The following HSPG2 variants were observed in gnomAD, a reference collection of about 807,000 sequenced individuals.
HSPG2 encodes basement membrane-specific heparan sulfate proteoglycan core protein.
HSPG2 carries 278 observed loss-of-function variants against 526.6 expected under a neutral mutation model. The ratio of observed to expected loss-of-function variants is 0.53; its 90% CI spans 0.48 to 0.58. HSPG2 has a LOEUF of 0.58. Among genes scored for constraint, HSPG2 ranks in the 20% least tolerant of loss-of-function variants. The pLI is 0.00. For missense variants in HSPG2, 5,354 were observed against 6,099.5 expected, an observed-to-expected ratio of 0.88 and a Z score of 4.07; for synonymous variants, 2,465 against 2,555.4, an observed-to-expected ratio of 0.96 and a Z score of 1.07.
intron 1 of HSPG2, among the ~76,000 whole-genome samples, chr1:21,915,027 C>T (rs955306282): frequency 2.0e-5 from 3 of 152,058 alleles, no homozygotes; most frequent in Non-Finnish European, 4.4e-5. Context: ...AGCCCAGGAC[C>T]GGCTCCTTAT....
chr1:21,827,336 C>G (rs1318528209), intron 91 of HSPG2, among the ~76,000 whole-genome samples: 1 of 152,206 alleles, frequency 6.6e-6, no homozygotes, highest in Non-Finnish European at 1.5e-5. Flanking sequence ...AGTTCCACAG[C>G]TAGTAAGTGG....
Position 21,875,904 on chromosome 1 carries a change from T to A in HSPG2, c.3142A>T (p.Ser1048Cys). The change falls in exon 24 of 97, where the codon AGC becomes TGC. Residue 1048 changes from serine to cysteine, a missense_variant. Transcript: ENST00000374695. ...ATGAAGGTGCTGGGCTGGCCGGGGC[T>A]GGGCTCCTGGGCCACATGGTGCTCT... ...ILEHHVAQEP[S>C]PGQPSTFIVP... The A allele has an allele frequency of 6.2e-7, 1 of 1,614,180 alleles. No homozygotes were observed. Among genetic ancestry groups the A allele is most frequent in the Non-Finnish European group, 8.5e-7 (1 of 1,180,038 alleles).
In HSPG2 at chr1:21,858,658, C is replaced by T. The variant is rs1369251768; in HGVS notation, c.5293+908G>A. Among the ~76,000 whole-genome samples, 1 of 152,252 alleles carries T rather than the reference C, an allele frequency of 6.6e-6. No homozygotes were observed. The highest frequency in any genetic ancestry group is 1.5e-5 in the Non-Finnish European group (1 of 68,054). ...TGTTTGTAGCCTGTGCTGCTGGTGG[C>T]CTAGCCACGCTTCCCACCCCCCGTG... On this transcript the variant is annotated intron_variant, in intron 42 of 96. Transcript: ENST00000374695. This position sits in a 1 kb window ranked among gnomAD's most constrained non-coding sequence, Gnocchi z 4.2.
At chr1:21,886,713 G>A (rs945889488) in intron 9 of HSPG2, among the ~76,000 whole-genome samples, 2 of 152,138 alleles carry the variant, frequency 1.3e-5, no homozygotes, top group African/African-American at 4.8e-5. Flanking sequence ...ACAGATGGAT[G>A]GGTGGATAGA....
At position 21,842,054 on chromosome 1, in the gene HSPG2, G is replaced by A. The variant is rs751033332; in HGVS notation, c.9141C>T (p.Asp3047=). The change falls in exon 69 of 97, where the codon GAC becomes GAT. Residue 3047 remains aspartate (D), a synonymous_variant. Coordinates refer to ENST00000374695, the MANE Select transcript of HSPG2 (RefSeq NM_005529.7). ...ACTCGAGGCTGATGGGGGCTGCCCC[G>A]TCATGGATGAGGCACTTGAAGCTGG... ...QDASFKCLIH[D]GAAPISLEWK... 29 of 1,613,606 alleles carry A rather than the reference G, an allele frequency of 1.8e-5. No individual in the cohort carries two copies. Among genetic ancestry groups the A allele is most frequent in the Middle Eastern group, 3.3e-4 (2 of 6,048 alleles).
In HSPG2 at chr1:21,875,917, C is replaced by T. The variant is rs767148257; in HGVS notation, c.3129G>A (p.Val1043=). The T allele has an allele frequency of 5.0e-5, 81 of 1,614,056 alleles. 1 individual carries two copies. Among genetic ancestry groups the T allele is most frequent in the Non-Finnish European group, 5.1e-6 (6 of 1,180,048 alleles). Residue 1043 remains valine (V), a synonymous_variant, in exon 24 of 97, where the codon GTG becomes GTA. Transcript: ENST00000374695. The part of the protein sequence containing the change: ...QGNNIILEHH[V]AQEPSPGQPS... ...GCTGGCCGGGGCTGGGCTCCTGGGC[C>T]ACATGGTGCTCTAGGATGATGTTGT...
At position 21,884,671 on chromosome 1, in the gene HSPG2, G is replaced by T; in HGVS notation, c.1511C>A (p.Pro504His). The T allele has an allele frequency of 6.2e-7, 1 of 1,611,240 alleles. No individual in the cohort carries two copies. Among genetic ancestry groups the T allele is most frequent in the South Asian group, 1.1e-5 (1 of 90,992 alleles). Residue 504 changes from proline to histidine, a missense_variant, in exon 13 of 97, where the codon CCC (proline) becomes CAC (histidine). Coordinates refer to ENST00000374695, the MANE Select transcript of HSPG2 (RefSeq NM_005529.7). ...GVLELVPQRG[P>H]CPDGHFYLEH... The stretch of plus-strand genomic sequence containing the variant: ...CAGGTAGAAGTGGCCGTCAGGGCAG[G>T]GGCCTGCTGGGCGGCATGGGCGGGG...
rs566031274 is a variant in HSPG2, at chr1:21,823,529, G to A, written c.13004-41C>T. 11 of 1,609,270 alleles carry A rather than the reference G, an allele frequency of 6.8e-6. No individual in the cohort carries two copies. The African/African-American group carries it at 9.3e-5, about 14-fold the overall frequency. ...AGGACAGGGCCTGTGGGCTCCAGCA[G>A]CCCAGGAGGCGAGGAAGGCTGGGCG... On this transcript the variant is annotated intron_variant, in intron 96 of 96. Coordinates refer to ENST00000374695, the MANE Select transcript of HSPG2 (RefSeq NM_005529.7).
At chr1:21,930,696 C>T (rs762403614) in intron 1 of HSPG2, among the ~76,000 whole-genome samples, 77 of 152,006 alleles carry the variant, frequency 5.1e-4, no homozygotes, top group Admixed American at 1.7e-3. Flanking sequence ...ATCTCTTGAA[C>T]CTGGGGGGCA....
At chr1:21,920,812 G>A (rs910645160) in intron 1 of HSPG2, among the ~76,000 whole-genome samples, 1 of 152,182 alleles carries the variant, frequency 6.6e-6, no homozygotes, top group Non-Finnish European at 1.5e-5. Flanking sequence ...AGCCCAGGGA[G>A]GAATCCAGGC....
chr1:21,884,660 C>T lies in HSPG2; in HGVS notation c.1522G>A (p.Gly508Ser), dbSNP rs768887883. The change falls in exon 13 of 97, where the codon GGC becomes AGC. Residue 508 changes from glycine to serine, a missense_variant. Physicochemically the swap from Gly to Ser is moderately conservative, Grantham distance 56. Coordinates refer to ENST00000374695, the MANE Select transcript of HSPG2 (RefSeq NM_005529.7). The part of the protein sequence containing the change: ...LVPQRGPCPD[G>S]HFYLEHSAAC... ...GCGCTGTGCTCCAGGTAGAAGTGGC[C>T]GTCAGGGCAGGGGCCTGCTGGGCGG... 34 of 1,611,950 alleles carry T rather than the reference C, an allele frequency of 2.1e-5. No individual in the cohort carries two copies. In the East Asian group the frequency reaches 4.7e-4, roughly 22 times the overall value.
At position 21,836,998 on chromosome 1, in the gene HSPG2, C is replaced by T. The variant is rs773495881; in HGVS notation, c.10159G>A (p.Gly3387Ser). ...FAQLLVQGPP[G>S]SLPATSIPAG... ...GGGATGGAGGTGGCAGGGAGAGAGCCGGGAGGGCCTGCGGGGACATGTATG... is the reference window on the plus strand; with the variant it reads ...GGGATGGAGGTGGCAGGGAGAGAGCTGGGAGGGCCTGCGGGGACATGTATG... Residue 3387 changes from glycine to serine, a missense_variant, in exon 75 of 97, where the codon GGC becomes AGC. Transcript: ENST00000374695. 2.6e-6 allele frequency: 4 copies of T among 1,550,590 alleles called. No homozygotes were observed. The highest frequency in any genetic ancestry group is 2.4e-5 in the East Asian group (1 of 41,078).
At chr1:21,855,167 G>A in intron 47 of HSPG2, 137 bp downstream of exon 47, 1 of 1,369,464 alleles carries the variant, frequency 7.3e-7, no homozygotes. Flanking sequence ...GGATGCAGGG[G>A]CAGGAGACCA....
Position 21,848,789 on chromosome 1 carries a change from C to T in HSPG2, c.7591G>A (p.Gly2531Ser). The change falls in exon 59 of 97, where the codon GGT (glycine) becomes AGT (serine). Residue 2531 changes from glycine to serine, a missense_variant. Physicochemically the swap from Gly to Ser is moderately conservative, Grantham distance 56 (BLOSUM62 0). Coordinates refer to ENST00000374695, the MANE Select transcript of HSPG2 (RefSeq NM_005529.7). The surrounding 1 kb of genome is among the most constrained non-coding windows in gnomAD (Gnocchi z 4.9). The part of the protein sequence containing the change: ...QQRLSGSHSQ[G>S]VAYPVRIESS... Reference sequence around the variant, plus strand: ...TCGATGCGGACGGGGTACGCCACACCCTGGGCTGGGAGGGTGAGATGTAAG... The same window carrying T: ...TCGATGCGGACGGGGTACGCCACACTCTGGGCTGGGAGGGTGAGATGTAAG... 1 of 1,613,574 alleles carries T rather than the reference C, an allele frequency of 6.2e-7. No individual in the cohort carries two copies.
rs1210107205 is a variant in HSPG2 at position 21,872,712 on chromosome 1, G to A, written c.3937C>T (p.His1313Tyr). 2 of 1,609,618 alleles carry A rather than the reference G, an allele frequency of 1.2e-6. No homozygotes were observed. The highest frequency in any genetic ancestry group is 1.3e-5 in the African/African-American group (1 of 75,024). ...CCGTCTGGGTTGCTGGCACTCAGGT[G>A]GAAGTGGTGGGGCCGGCAGTGGCTG... Reference protein sequence around the residue: ...TCSHCRPHHFHLSASNPDGCL... With the variant: ...TCSHCRPHHFYLSASNPDGCL... Residue 1313 changes from histidine to tyrosine, a missense_variant, in exon 32 of 97, where the codon CAC becomes TAC. Coordinates refer to ENST00000374695, the MANE Select transcript of HSPG2 (RefSeq NM_005529.7). The surrounding 1 kb of genome is among the most constrained non-coding windows in gnomAD (Gnocchi z 5.5).
intron 1 of HSPG2, among the ~76,000 whole-genome samples, chr1:21,920,855 G>T (rs1447474528): frequency 6.6e-6 from 1 of 152,130 alleles, no homozygotes; most frequent in African/African-American, 2.4e-5. Flanking sequence ...GCGTGGCTGA[G>T]ATCTCTGCTA....
At chr1:21,875,552 G>GGCTGT in intron 25 of HSPG2, 77 bp downstream of exon 25, 1 of 1,047,464 alleles carries the variant, frequency 9.5e-7, no homozygotes, top group South Asian at 1.3e-5. Context: ...GTCTGTAAGT[G>GGCTGT]GCTGTGCTGT....
chr1:21,852,139 G>T lies in HSPG2; in HGVS notation c.6819C>A (p.His2273Gln), dbSNP rs151177187. 4.3e-6 allele frequency: 7 copies of T among 1,613,626 alleles called. No homozygotes were observed. Among genetic ancestry groups the T allele is most frequent in the Admixed American group, 3.3e-5 (2 of 60,018 alleles). The change falls in exon 53 of 97, where the codon CAC becomes CAA. Residue 2273 changes from histidine (H) to glutamine (Q), a missense_variant. Coordinates refer to ENST00000374695, the MANE Select transcript of HSPG2 (RefSeq NM_005529.7). Reference sequence around the variant, plus strand: ...CACGCTTGTACCATGTGACCTGGGCGTGGGCCTGCCCTGCCACCACGCAGC... The same window carrying T: ...CACGCTTGTACCATGTGACCTGGGCTTGGGCCTGCCCTGCCACCACGCAGC... ...DLSCVVAGQA[H>Q]AQVTWYKRGG...
Position 21,856,965 on chromosome 1 carries a change from G to C in HSPG2, c.5575+50C>G, listed in dbSNP as rs373551909. The C allele has an allele frequency of 1.0e-5, 16 of 1,561,540 alleles. No homozygotes were observed. The African/African-American group carries it at 2.2e-4, about 21-fold the overall frequency. On this transcript the variant is annotated intron_variant, in intron 44 of 96. Coordinates refer to ENST00000374695, the MANE Select transcript of HSPG2 (RefSeq NM_005529.7). ...AGAAATGCTGTGCTAATTCTGGTGG[G>C]AATGGGGGAGAGACAGGAGGGGAGA...
Sources: allele counts gnomAD v4.1 joint callset (sites outside exome capture counted in the v4.1 genomes callset), GRCh38; gene constraint gnomAD v4.1.1; non-coding constraint Gnocchi (gnomAD v3.1); transcripts MANE v1.5; gene names NCBI Gene and HGNC (gene_info 2026-07-23, HGNC 2026-07-21).